Variants in DLGAP2 observed in about 807,000 individuals in gnomAD.
DLGAP2 encodes the protein DLG associated protein 2.
DLGAP2 carries 26 observed loss-of-function variants against 100.3 expected under a neutral mutation model. That is an observed-to-expected ratio of 0.26 (90% CI 0.19 to 0.36). The LOEUF (loss-of-function observed/expected upper bound fraction) is 0.36, where lower values mean the gene tolerates loss of function less well. Among genes scored for constraint, DLGAP2 ranks in the 10% least tolerant of loss-of-function variants. The pLI, the probability that DLGAP2 is intolerant of heterozygous loss-of-function variation, is 1.00. For missense variants in DLGAP2, 1,858 were observed against 1,453.2 expected, an observed-to-expected ratio of 1.28 and a Z score of -4.53; for synonymous variants, 886 against 630.1, an observed-to-expected ratio of 1.41 and a Z score of -6.08.
intron 2 of DLGAP2, among the ~76,000 whole-genome samples, chr8:966,870 T>A (rs1297245329): frequency 6.6e-6 from 1 of 152,248 alleles, no homozygotes; most frequent in Non-Finnish European, 1.5e-5. Context: ...AAAATATACT[T>A]CTTTTTCTCA....
intron 3 of DLGAP2, among the ~76,000 whole-genome samples, chr8:1,427,715 C>G (rs1172937359): frequency 2.6e-5 from 4 of 152,180 alleles, no homozygotes; most frequent in Non-Finnish European, 5.9e-5. Flanking sequence ...AAGCTCTCTT[C>G]TCTTGTCTGC....
intron 3 of DLGAP2, among the ~76,000 whole-genome samples, chr8:1,305,286 G>A (rs192147495): frequency 2.0e-5 from 3 of 152,316 alleles, no homozygotes; most frequent in East Asian, 1.9e-4. Context: ...CTGGTCTTCC[G>A]CAGTTCTCTG....
Position 1,346,722 on chromosome 8 carries a change from C to G in DLGAP2, c.106+87839C>G, listed in dbSNP as rs1250941290. ...ATGGTAGCTGTGTGGAGGTTGAGTTCTCATACAGAGCTGAATTGCACTCAC... is the reference window on the plus strand; with the variant it reads ...ATGGTAGCTGTGTGGAGGTTGAGTTGTCATACAGAGCTGAATTGCACTCAC... On this transcript the variant is annotated intron_variant, in intron 3 of 14. Coordinates refer to ENST00000637795, the MANE Select transcript of DLGAP2 (RefSeq NM_001346810.2). Among the ~76,000 whole-genome samples the G allele has an allele frequency of 3.1e-5, 4 of 130,632 alleles. No individual in the cohort carries two copies. In the South Asian group the frequency reaches 9.4e-4, roughly 31 times the overall value. The allele number at this position is 130,632 out of a possible 152,430, so 85.7% of individuals were successfully genotyped here.
intron 1 of DLGAP2, among the ~76,000 whole-genome samples, chr8:903,937 GGAGCTGCACGGGA>G (rs1798319943): frequency 6.6e-6 from 1 of 152,218 alleles, no homozygotes; most frequent in Non-Finnish European, 1.5e-5. Flanking sequence ...CCTGGAGGGC[GGAGCTGCACGGGA>G]GGCATCAGGG....
intron 2 of DLGAP2, among the ~76,000 whole-genome samples, chr8:1,213,970 CT>C (rs1798160427): frequency 6.6e-6 from 1 of 152,124 alleles, no homozygotes. Context: ...CATCTCCAGC[CT>C]TCAGAGGCCG....
At chr8:744,624 C>A (rs528242069) in intron 1 of DLGAP2, among the ~76,000 whole-genome samples, 1 of 151,006 alleles carries the variant, frequency 6.6e-6, no homozygotes, top group South Asian at 2.1e-4. Flanking sequence ...CCGGCCACGT[C>A]GCCCTCCCGG....
At chr8:1,640,411 C>T (rs1797869729) in intron 8 of DLGAP2, among the ~76,000 whole-genome samples, 2 of 152,136 alleles carry the variant, frequency 1.3e-5, no homozygotes, top group Admixed American at 6.5e-5. Flanking sequence ...CGCAGCACAG[C>T]GTAGTCCAAA....
chr8:1,309,115 C>A (rs568622845), intron 3 of DLGAP2, among the ~76,000 whole-genome samples: 1 of 151,898 alleles, frequency 6.6e-6, no homozygotes, highest in East Asian at 1.9e-4. Flanking sequence ...GGAACATCAT[C>A]GGGCTGATCA....
At position 1,701,525 on chromosome 8, in the gene DLGAP2, T is replaced by A. The variant is rs1799571044; in HGVS notation, c.*119T>A. 1 of 1,129,874 alleles carries A rather than the reference T, an allele frequency of 8.9e-7. No individual in the cohort carries two copies. Among genetic ancestry groups the A allele is most frequent in the African/African-American group, 1.6e-5 (1 of 63,276 alleles). 70.0% of individuals were successfully genotyped at this position (1,129,874 alleles called of 1,614,324 possible). On this transcript the variant is annotated 3_prime_UTR_variant, in exon 15 of 15. Transcript: ENST00000637795. The stretch of plus-strand genomic sequence containing the variant: ...GCTGAACACGTCCTCGCTCCCGCGC[T>A]CCCCGCGCCCCGGACACAGCGGGAC...
intron 14 of DLGAP2, among the ~76,000 whole-genome samples, chr8:1,699,532 T>G (rs1585077117): frequency 6.7e-6 from 1 of 149,046 alleles, no homozygotes. Flanking sequence ...GAGAATGGAG[T>G]GAACCCGGAA....
At chr8:1,329,710 T>G (rs1053967794) in intron 3 of DLGAP2, among the ~76,000 whole-genome samples, 5 of 152,102 alleles carry the variant, frequency 3.3e-5, no homozygotes, top group Non-Finnish European at 5.9e-5. Flanking sequence ...GTGCGTGAGG[T>G]CACCTTCTAA....
chr8:1,201,186 C>A (rs1042272501), intron 2 of DLGAP2, among the ~76,000 whole-genome samples: 1 of 152,176 alleles, frequency 6.6e-6, no homozygotes, highest in South Asian at 2.1e-4. Flanking sequence ...GTAGGGAGCC[C>A]CTTGTCCATC....
At chr8:1,367,437 C>A (rs898152431) in intron 3 of DLGAP2, among the ~76,000 whole-genome samples, 1 of 152,176 alleles carries the variant, frequency 6.6e-6, no homozygotes. Flanking sequence ...CACTAATGGG[C>A]GTTGTGGCTC....
chr8:1,193,114 A>G (rs7843212), intron 2 of DLGAP2, among the ~76,000 whole-genome samples: 42,237 of 151,602 alleles, frequency 0.28, 6,592 homozygotes, highest in African/African-American at 0.43. Context: ...GCTATGGTGA[A>G]TAGTGCCGCT....
At chr8:1,220,400 A>T (rs1412990462) in intron 2 of DLGAP2, among the ~76,000 whole-genome samples, 1 of 151,940 alleles carries the variant, frequency 6.6e-6, no homozygotes, top group African/African-American at 2.4e-5. Context: ...AATTTCCATG[A>T]TATTGTATGA....
chr8:1,239,925 G>A (rs1338179011), intron 2 of DLGAP2, among the ~76,000 whole-genome samples: 7 of 133,666 alleles, frequency 5.2e-5, no homozygotes, highest in African/African-American at 1.5e-4. Context: ...ACATGGCACC[G>A]TGTCTAGTTC....
chr8:1,307,748 A>T (rs572385430), intron 3 of DLGAP2, among the ~76,000 whole-genome samples: 2 of 152,350 alleles, frequency 1.3e-5, no homozygotes, highest in East Asian at 3.9e-4. Flanking sequence ...ACATTCCACA[A>T]AATGAAATTC....
intron 3 of DLGAP2, among the ~76,000 whole-genome samples, chr8:1,479,270 C>A (rs558772794): frequency 2.0e-5 from 3 of 152,156 alleles, no homozygotes; most frequent in Non-Finnish European, 4.4e-5. Context: ...CCAAACCAGG[C>A]GGGGATTGGG....
At chr8:765,502 G>A (rs938250133) in intron 1 of DLGAP2, among the ~76,000 whole-genome samples, 6 of 152,090 alleles carry the variant, frequency 3.9e-5, no homozygotes, top group Admixed American at 3.9e-4. Flanking sequence ...CAGATACGTG[G>A]CATTTGACCT....
Sources: gnomAD v4.1 joint callset for allele counts (sites outside exome capture counted in the v4.1 genomes callset) on GRCh38, gnomAD v4.1.1 for gene constraint, MANE v1.5 for transcripts, NCBI Gene and HGNC (gene_info 2026-07-23, HGNC 2026-07-21) for gene names.